Variants in TUSC3 observed in about 807,000 individuals in gnomAD.
TUSC3 encodes the protein dolichyl-diphosphooligosaccharide--protein glycosyltransferase subunit TUSC3.
A neutral mutation model predicts 44.8 loss-of-function variants in TUSC3; 45 were observed. The observed-to-expected ratio is 1.00, with a 90% confidence interval of 0.79 to 1.29. TUSC3 has a LOEUF of 1.29. Among genes scored for constraint, TUSC3 ranks in the 50% most tolerant of loss-of-function variants. The pLI is 0.00. For missense variants in TUSC3, 519 were observed against 437.9 expected, an observed-to-expected ratio of 1.19 and a Z score of -1.65; for synonymous variants, 212 against 152.9, an observed-to-expected ratio of 1.39 and a Z score of -2.85.
intron 1 of TUSC3, among the ~76,000 whole-genome samples, chr8:15,596,196 T>G (rs1307704617): frequency 6.6e-6 from 1 of 152,190 alleles, no homozygotes; most frequent in African/African-American, 2.4e-5. Context: ...ATAATAATGA[T>G]ATGACGTTTT....
At position 15,554,826 on chromosome 8, in the gene TUSC3, C is replaced by T. The variant is rs186290595; in HGVS notation, c.138+14258C>T. On this transcript the variant is annotated intron_variant, in intron 1 of 10. Coordinates refer to ENST00000503731, the MANE Select transcript of TUSC3 (RefSeq NM_006765.4). ...TTCACCGTGTTAGCCAGGATGGTGTCGATCTCCTGACCTCGTGATCCACCT... is the reference window on the plus strand; with the variant it reads ...TTCACCGTGTTAGCCAGGATGGTGTTGATCTCCTGACCTCGTGATCCACCT... Among the ~76,000 whole-genome samples the T allele has an allele frequency of 7.5e-4, 113 of 150,290 alleles. 2 individuals carry two copies. Among genetic ancestry groups the T allele is most frequent in the Middle Eastern group, 3.4e-3 (1 of 292 alleles).
chr8:15,520,054 G>A (rs1801274886), intron 2 of TUSC3, among the ~76,000 whole-genome samples: 3 of 152,134 alleles, frequency 2.0e-5, no homozygotes, highest in Admixed American at 1.3e-4. Context: ...TACCTAATAA[G>A]ATTCAGACTC....
At chr8:15,570,163 C>A (rs1802819387) in intron 1 of TUSC3, among the ~76,000 whole-genome samples, 1 of 151,820 alleles carries the variant, frequency 6.6e-6, no homozygotes, top group South Asian at 2.1e-4. Flanking sequence ...TAGGGAAGTT[C>A]TGATTTTGCA....
chr8:15,738,470 G>GGAA (rs1811030124), intron 7 of TUSC3, among the ~76,000 whole-genome samples: 2 of 152,124 alleles, frequency 1.3e-5, no homozygotes, highest in South Asian at 4.2e-4. Context: ...AAGTTTTATT[G>GGAA]GAACACAGAA....
chr8:15,741,582 G>A (rs1281083417), intron 7 of TUSC3, among the ~76,000 whole-genome samples: 1 of 152,022 alleles, frequency 6.6e-6, no homozygotes, highest in Non-Finnish European at 1.5e-5. Flanking sequence ...AGCCACTCGA[G>A]ACACTGAGGC....
chr8:15,499,013 CTTTTTTTT>C (rs199873385), intron 2 of TUSC3, among the ~76,000 whole-genome samples: 4 of 151,098 alleles, frequency 2.6e-5, no homozygotes, highest in African/African-American at 9.7e-5. Flanking sequence ...TTATTTTTTT[CTTTTTTTT>C]TCTCCTGTGG....
the TUSC3 span, among the ~76,000 whole-genome samples, chr8:15,794,294 A>C: frequency 2.0e-5 from 3 of 152,108 alleles, no homozygotes; most frequent in African/African-American, 7.2e-5. Flanking sequence ...ACAATAACAC[A>C]GCCACTCTTA....
intron 4 of TUSC3, 81 bp downstream of exon 4, chr8:15,659,728 A>C: frequency 6.4e-7 from 1 of 1,560,708 alleles, no homozygotes; most frequent in African/African-American, 1.3e-5. Flanking sequence ...CCACAGTAAT[A>C]CTTTTTAATT....
At chr8:15,805,943 A>G in the TUSC3 span, among the ~76,000 whole-genome samples, 2 of 152,280 alleles carry the variant, frequency 1.3e-5, no homozygotes, top group East Asian at 3.9e-4. Flanking sequence ...GTTTGAAATC[A>G]TGTTTACTTA....
At chr8:15,737,543 T>C (rs989079739) in intron 7 of TUSC3, among the ~76,000 whole-genome samples, 14 of 152,154 alleles carry the variant, frequency 9.2e-5, no homozygotes, top group African/African-American at 2.7e-4. Flanking sequence ...GTAGTTTAAA[T>C]ATATATTGCC....
chr8:15,845,942 C>G, the TUSC3 span, among the ~76,000 whole-genome samples: 1 of 152,100 alleles, frequency 6.6e-6, no homozygotes, highest in Admixed American at 6.6e-5. Context: ...GGGGAGGCCT[C>G]AGAATCATGG....
intron 5 of TUSC3, 55 bp from the exon 6 acceptor site, chr8:15,673,692 C>G (rs978894160): frequency 2.6e-5 from 34 of 1,331,958 alleles, no homozygotes; most frequent in Non-Finnish European, 3.6e-5. Flanking sequence ...TTTAGAAATG[C>G]ATTATTCTGG....
At chr8:15,729,234 T>G (rs1236015978) in intron 6 of TUSC3, among the ~76,000 whole-genome samples, 2 of 152,218 alleles carry the variant, frequency 1.3e-5, no homozygotes, top group African/African-American at 4.8e-5. Context: ...GTTAATTACT[T>G]TAACTGTCAA....
intron 1 of TUSC3, among the ~76,000 whole-genome samples, chr8:15,444,050 C>G (rs1011304990): frequency 2.6e-5 from 4 of 152,208 alleles, no homozygotes; most frequent in Non-Finnish European, 4.4e-5. Flanking sequence ...TGGTCTCCCA[C>G]AGAACCAGTT....
At chr8:15,518,781 C>G (rs1432646219) in intron 2 of TUSC3, among the ~76,000 whole-genome samples, 4 of 151,204 alleles carry the variant, frequency 2.6e-5, no homozygotes, top group Non-Finnish European at 4.4e-5. Flanking sequence ...GTTAGCAATG[C>G]TAATAATCCC....
chr8:15,477,261 T>G (rs1800588692), intron 1 of TUSC3, among the ~76,000 whole-genome samples: 1 of 152,184 alleles, frequency 6.6e-6, no homozygotes, highest in Admixed American at 6.5e-5. Context: ...GGTTAAATGG[T>G]GTACCTTTAT....
At chr8:15,716,447 A>C (rs1810063162) in intron 6 of TUSC3, among the ~76,000 whole-genome samples, 1 of 152,114 alleles carries the variant, frequency 6.6e-6, no homozygotes, top group African/African-American at 2.4e-5. Context: ...ACATTTTTGA[A>C]ATCTATAAAG....
intron 6 of TUSC3, chr8:15,689,272 A>G (rs917174585): frequency 2.0e-5 from 7 of 352,090 alleles, no homozygotes; most frequent in Non-Finnish European, 3.9e-5. Context: ...CTTGTGAAAT[A>G]GCTGCATAAT....
At chr8:15,424,302 G>C (rs1799777980) in intron 1 of TUSC3, among the ~76,000 whole-genome samples, 1 of 151,918 alleles carries the variant, frequency 6.6e-6, no homozygotes, top group South Asian at 2.1e-4. Context: ...TGTCTCAGGA[G>C]TGTATCACCG....
Sources: gnomAD v4.1 joint callset for allele counts (sites outside exome capture counted in the v4.1 genomes callset) on GRCh38, gnomAD v4.1.1 for gene constraint, MANE v1.5 for transcripts, NCBI Gene and HGNC (gene_info 2026-07-23, HGNC 2026-07-21) for gene names.